BTG3: variants seen among roughly 807,000 people sequenced by gnomAD.
The protein encoded by BTG3 is BTG anti-proliferation factor 3.
In BTG3, 4 loss-of-function variants were observed where a neutral mutation model predicts 25.8. The observed-to-expected ratio is 0.16, with a 90% CI of 0.08 to 0.36. The LOEUF (loss-of-function observed/expected upper bound fraction) is 0.36. Among genes scored for constraint, BTG3 ranks in the 10% least tolerant of loss-of-function variants. The pLI is 1.00. For synonymous variants in BTG3, 107 were observed against 99.9 expected, an observed-to-expected ratio of 1.07 and a Z score of -0.42; for missense variants, 201 against 304.9, an observed-to-expected ratio of 0.66 and a Z score of 2.54.
Position 17,606,251 on chromosome 21 carries a change from A to G in BTG3, c.174-1254T>C, listed in dbSNP as rs1027099380. ...AAAAGGAGGCAGAGAGAGTTTGAGT[A>G]ACTTCCCAACATTACACAGCTACTA... On this transcript the variant is annotated intron_variant, in intron 2 of 4. Transcript: ENST00000348354. Among the ~76,000 whole-genome samples the G allele has an allele frequency of 2.6e-5, 4 of 152,160 alleles. No homozygotes were observed. The East Asian group carries it at 7.7e-4, about 29-fold the overall frequency.
At chr21:17,606,584 G>T (rs1459582508) in intron 2 of BTG3, among the ~76,000 whole-genome samples, 1 of 152,042 alleles carries the variant, frequency 6.6e-6, no homozygotes, top group African/African-American at 2.4e-5. Flanking sequence ...TACAATTAAG[G>T]TGATACAGGC....
At chr21:17,611,355 AC>A (rs770629174) in intron 1 of BTG3, among the ~76,000 whole-genome samples, 28 of 152,334 alleles carry the variant, frequency 1.8e-4, no homozygotes, top group Non-Finnish European at 3.1e-4. Flanking sequence ...ACTATGTGCC[AC>A]ATATCTGAGT....
chr21:17,595,693 AAAC>A (rs199700690), intron 4 of BTG3, among the ~76,000 whole-genome samples: 10 of 151,958 alleles, frequency 6.6e-5, no homozygotes, highest in Admixed American at 6.6e-4. Flanking sequence ...ACTATTAAAA[AAAC>A]AATGATACAC....
chr21:17,595,827 T>C (rs2061497114), intron 4 of BTG3, among the ~76,000 whole-genome samples: 1 of 152,062 alleles, frequency 6.6e-6, no homozygotes, highest in South Asian at 2.1e-4. Context: ...TGCTGAGTAA[T>C]AGAAGAGTTA....
At chr21:17,607,758 A>C (rs1161417646) in intron 2 of BTG3, among the ~76,000 whole-genome samples, 2 of 152,224 alleles carry the variant, frequency 1.3e-5, no homozygotes, top group African/African-American at 4.8e-5. Flanking sequence ...TGTAGTTATC[A>C]CTATAGTCAC....
At chr21:17,610,959 G>A (rs2061712829) in intron 1 of BTG3, among the ~76,000 whole-genome samples, 1 of 152,060 alleles carries the variant, frequency 6.6e-6, no homozygotes, top group South Asian at 2.1e-4. Context: ...GCTGGCAGCC[G>A]CAGATAGCCT....
chr21:17,594,681 G>A (rs943220199), intron 4 of BTG3, among the ~76,000 whole-genome samples: 7 of 152,034 alleles, frequency 4.6e-5, no homozygotes, highest in Non-Finnish European at 7.4e-5. Context: ...GGAGTCACTT[G>A]GAGGCTTTTA....
At position 17,605,018 on chromosome 21, in the gene BTG3, G is replaced by A. The variant is rs764028891; in HGVS notation, c.174-21C>T. On this transcript the variant is annotated intron_variant, in intron 2 of 4. Transcript: ENST00000348354. The stretch of plus-strand genomic sequence containing the variant: ...TACATCTACAACAAAGTGGAGTTAC[G>A]TTAATGGATTTAAATGAATTTAATC... 45 of 1,609,362 alleles carry A rather than the reference G, an allele frequency of 2.8e-5. No individual in the cohort carries two copies. The African/African-American group carries it at 3.6e-4, about 13-fold the overall frequency.
At chr21:17,605,205 G>C in intron 2 of BTG3, 1 of 505,504 alleles carries the variant, frequency 2.0e-6, no homozygotes, top group Non-Finnish European at 3.4e-6. Context: ...ACCTATGTGA[G>C]CCCAAGGAAA....
rs757165408 is a variant in BTG3, at chr21:17,609,140, T to C, written c.5A>G (p.Lys2Arg). M[K>R]NEIAAVVFFF... ...GAAGACAACGGCAGCAATTTCATTCTTCATTTTTTTCCCTGCAAAGATAAA... is the reference window on the plus strand; with the variant it reads ...GAAGACAACGGCAGCAATTTCATTCCTCATTTTTTTCCCTGCAAAGATAAA... The change falls in exon 2 of 5, where the codon AAG (lysine) becomes AGG (arginine). Residue 2 changes from lysine to arginine, a missense_variant. Lys to Arg is a conservative substitution (Grantham distance 26). This residue lies in a region of BTG3 where 70 missense variants were observed against 175.7 expected (regional missense o/e 0.40). Coordinates refer to ENST00000348354, the MANE Select transcript of BTG3 (RefSeq NM_006806.5). The C allele has an allele frequency of 6.2e-7, 1 of 1,603,332 alleles. No individual in the cohort carries two copies. The highest frequency in any genetic ancestry group is 8.5e-7 in the Non-Finnish European group (1 of 1,177,460).
chr21:17,602,065 C>T (rs565583181), intron 3 of BTG3, among the ~76,000 whole-genome samples: 6 of 151,708 alleles, frequency 4.0e-5, no homozygotes, highest in African/African-American at 1.5e-4. Flanking sequence ...TTTCAATGAT[C>T]ACTGATAAAA....
At chr21:17,599,811 T>C (rs2061550058) in intron 3 of BTG3, among the ~76,000 whole-genome samples, 1 of 152,132 alleles carries the variant, frequency 6.6e-6, no homozygotes, top group African/African-American at 2.4e-5. Context: ...ACATATATGC[T>C]AGTAATTCAA....
intron 4 of BTG3, among the ~76,000 whole-genome samples, chr21:17,594,830 T>C (rs530526566): frequency 2.0e-5 from 3 of 151,794 alleles, no homozygotes; most frequent in Non-Finnish European, 2.9e-5. Context: ...ACAATAGACA[T>C]TGGAGTCTAT....
chr21:17,604,441 G>A (rs954997170), intron 3 of BTG3, among the ~76,000 whole-genome samples: 52 of 151,550 alleles, frequency 3.4e-4, no homozygotes, highest in Middle Eastern at 3.4e-3. Flanking sequence ...GTGAAACTCC[G>A]TCCCAAAAAA....
intron 1 of BTG3, among the ~76,000 whole-genome samples, chr21:17,610,560 T>A (rs1000020256): frequency 6.6e-5 from 10 of 152,308 alleles, no homozygotes; most frequent in African/African-American, 2.4e-4. Flanking sequence ...TTAAAAATGG[T>A]ATATCTGATT....
intron 1 of BTG3, among the ~76,000 whole-genome samples, chr21:17,609,697 C>T (rs573558756): frequency 1.8e-4 from 27 of 152,314 alleles, no homozygotes; most frequent in East Asian, 1.4e-3. Flanking sequence ...CATATGTCCA[C>T]ACCAAAACCT....
intron 2 of BTG3, 60 bp downstream of exon 2, chr21:17,608,912 C>T (rs1388095683): frequency 2.9e-5 from 44 of 1,512,454 alleles, no homozygotes; most frequent in South Asian, 6.5e-5. Context: ...TTCAATCATC[C>T]GGCCTTGAAC....
chr21:17,601,293 A>T (rs1014740220), intron 3 of BTG3, among the ~76,000 whole-genome samples: 1 of 152,150 alleles, frequency 6.6e-6, no homozygotes, highest in Non-Finnish European at 1.5e-5. Flanking sequence ...AGTTTCCTAT[A>T]TGCTGGACGA....
intron 3 of BTG3, among the ~76,000 whole-genome samples, chr21:17,604,433 G>A (rs1473413722): frequency 6.6e-6 from 1 of 152,000 alleles, no homozygotes; most frequent in Non-Finnish European, 1.5e-5. Flanking sequence ...CAACAAGAGT[G>A]AAACTCCGTC....
Sources: allele counts gnomAD v4.1 joint callset (sites outside exome capture counted in the v4.1 genomes callset), GRCh38; gene constraint gnomAD v4.1.1; regional missense constraint gnomAD v4.1.1; transcripts MANE v1.5; gene names NCBI Gene and HGNC (gene_info 2026-07-23, HGNC 2026-07-21).